The following FARS2 variants were observed in gnomAD, a reference collection of about 807,000 sequenced individuals.
FARS2 encodes the protein phenylalanyl-tRNA synthetase 2, mitochondrial, also known as phenylalanine--tRNA ligase, mitochondrial.
Under a neutral mutation model 46.4 loss-of-function variants are expected in FARS2, and 40 were observed. That is an observed-to-expected ratio of 0.86 (90% confidence interval 0.67 to 1.12). The LOEUF (loss-of-function observed/expected upper bound fraction) is 1.12, where lower values mean the gene tolerates loss of function less well. Ranked by LOEUF, FARS2 falls within the 50% of genes most tolerant of loss-of-function variation. FARS2 has a pLI of 0.00. For missense variants in FARS2, 513 were observed against 567.9 expected (o/e 0.90, Z 0.98); for synonymous variants, 234 against 214.9 (o/e 1.09, Z -0.78).
chr6:5,545,148 T>G, intron 4 of FARS2, 32 bp from the exon 5 acceptor site: 1 of 1,611,342 alleles, frequency 6.2e-7, no homozygotes. Context: ...TCGATACTTT[T>G]TAAAAACAAC....
intron 1 of FARS2, among the ~76,000 whole-genome samples, chr6:5,278,800 A>C (rs1766515783): frequency 1.3e-5 from 2 of 152,172 alleles, no homozygotes; most frequent in Admixed American, 1.3e-4. Context: ...CTTCCCAGCA[A>C]GAGAGGTTCT....
intron 6 of FARS2, among the ~76,000 whole-genome samples, chr6:5,639,638 C>G (rs896508022): frequency 6.6e-6 from 1 of 152,206 alleles, no homozygotes; most frequent in Non-Finnish European, 1.5e-5. Context: ...ACCTACCTTC[C>G]TCTCTTCTTC....
chr6:5,667,605 C>A (rs1778211118), intron 6 of FARS2, among the ~76,000 whole-genome samples: 1 of 151,790 alleles, frequency 6.6e-6, no homozygotes, highest in Non-Finnish European at 1.5e-5. Context: ...AGTAAAATAT[C>A]ATTTGGCATT....
intron 2 of FARS2, among the ~76,000 whole-genome samples, chr6:5,379,685 C>G (rs943009784): frequency 1.3e-5 from 2 of 152,072 alleles, no homozygotes; most frequent in African/African-American, 2.4e-5. Flanking sequence ...GGAGACTTGT[C>G]TTGTGGGAAG....
intron 6 of FARS2, among the ~76,000 whole-genome samples, chr6:5,691,436 G>T (rs956850099): frequency 1.3e-5 from 2 of 152,176 alleles, no homozygotes; most frequent in African/African-American, 4.8e-5. Context: ...AGGTCTGTTG[G>T]AGTTTGCTGG....
intron 3 of FARS2, among the ~76,000 whole-genome samples, chr6:5,410,813 C>G (rs1408851552): frequency 1.3e-5 from 2 of 152,022 alleles, no homozygotes; most frequent in Non-Finnish European, 2.9e-5. Flanking sequence ...GTGCTACATT[C>G]TTCTTAAATG....
At chr6:5,461,164 G>A (rs1188308734) in intron 4 of FARS2, among the ~76,000 whole-genome samples, 2 of 151,550 alleles carry the variant, frequency 1.3e-5, no homozygotes, top group African/African-American at 2.4e-5. Context: ...TCAGCCTCCC[G>A]AGTAGCTGGT....
rs535566168 is a variant in FARS2 at position 5,688,460 on chromosome 6, G to A, written c.1217+75140G>A. 4.4e-3 allele frequency among the ~76,000 whole-genome samples: 669 copies of A among 152,178 alleles called. 9 individuals are homozygous for A. Among genetic ancestry groups the A allele is most frequent in the African/African-American group, 0.015 (642 of 41,512 alleles). ...CTTTTCTGCATCTATTGAGATAATC[G>A]TGTGGTTTTTGTCTTTGGTTCTGTT... On this transcript the variant is annotated intron_variant, in intron 6 of 6. Coordinates refer to ENST00000274680, the MANE Select transcript of FARS2 (RefSeq NM_006567.5).
rs561053461 is a variant in FARS2, at chr6:5,306,790, C to A, written c.-22+45130C>A. 2.8e-4 allele frequency among the ~76,000 whole-genome samples: 43 copies of A among 152,238 alleles called. No homozygotes were observed. In the South Asian group the frequency reaches 6.2e-3, roughly 22 times the overall value. ...TACTGTCTTCTGTACAGTAACAAGT[C>A]ACATGGTAAAAAGAAGTTAGAAGAG... is the stretch of plus-strand genomic sequence containing the variant. On this transcript the variant is annotated intron_variant, in intron 1 of 6. Coordinates refer to ENST00000274680, the MANE Select transcript of FARS2 (RefSeq NM_006567.5).
chr6:5,640,916 T>C (rs1776784755), intron 6 of FARS2, among the ~76,000 whole-genome samples: 1 of 152,214 alleles, frequency 6.6e-6, no homozygotes, highest in African/African-American at 2.4e-5. Context: ...CTGAGTCTTC[T>C]AAGAAGCTCT....
intron 6 of FARS2, among the ~76,000 whole-genome samples, chr6:5,769,125 TATG>T: frequency 6.6e-6 from 1 of 152,298 alleles, no homozygotes; most frequent in Non-Finnish European, 1.5e-5. Context: ...TATTGAGATA[TATG>T]ATATATTTTG....
At chr6:5,381,407 A>G (rs1045256593) in intron 2 of FARS2, among the ~76,000 whole-genome samples, 1 of 74,426 alleles carries the variant, frequency 1.3e-5, no homozygotes, top group Non-Finnish European at 2.5e-5. Context: ...ACACACACAT[A>G]CACACACACA....
chr6:5,708,104 G>A (rs1758877303), intron 6 of FARS2, among the ~76,000 whole-genome samples: 1 of 152,164 alleles, frequency 6.6e-6, no homozygotes, highest in South Asian at 2.1e-4. Context: ...AAGTCATGGT[G>A]TGGTTGTAGA....
chr6:5,379,995 A>G (rs1478610667), intron 2 of FARS2, among the ~76,000 whole-genome samples: 1 of 152,244 alleles, frequency 6.6e-6, no homozygotes, highest in Non-Finnish European at 1.5e-5. Context: ...CTGAATGTCT[A>G]GAAGCCTTTA....
chr6:5,699,454 A>T (rs113139506), intron 6 of FARS2, among the ~76,000 whole-genome samples: 2 of 151,992 alleles, frequency 1.3e-5, no homozygotes, highest in African/African-American at 4.8e-5. Context: ...GCAGCCTCTC[A>T]GGCCCCACCC....
At chr6:5,705,411 T>C (rs1758682900) in intron 6 of FARS2, among the ~76,000 whole-genome samples, 1 of 152,074 alleles carries the variant, frequency 6.6e-6, no homozygotes, top group Admixed American at 6.5e-5. Flanking sequence ...GCGATTGCGG[T>C]GTGCTGAAGC....
intron 5 of FARS2, among the ~76,000 whole-genome samples, chr6:5,608,623 G>A (rs1561748841): frequency 6.6e-6 from 1 of 151,770 alleles, no homozygotes; most frequent in African/African-American, 2.4e-5. Flanking sequence ...TAGATATATT[G>A]CATAGGATGG....
At chr6:5,606,622 T>C (rs902546177) in intron 5 of FARS2, among the ~76,000 whole-genome samples, 17 of 152,252 alleles carry the variant, frequency 1.1e-4, no homozygotes, top group Non-Finnish European at 2.4e-4. Context: ...TGCACTTTCA[T>C]AGATGCAGGC....
chr6:5,638,259 T>C (rs1413827146), intron 6 of FARS2, among the ~76,000 whole-genome samples: 2 of 152,172 alleles, frequency 1.3e-5, no homozygotes, highest in East Asian at 3.9e-4. Flanking sequence ...TACAAGCTGT[T>C]AGGGGAGACT....
Sources: gnomAD v4.1 joint callset for allele counts (sites outside exome capture counted in the v4.1 genomes callset) on GRCh38, gnomAD v4.1.1 for gene constraint, MANE v1.5 for transcripts, NCBI Gene and HGNC (gene_info 2026-07-23, HGNC 2026-07-21) for gene names.